Variants in SLC5A10 observed in about 807,000 individuals in gnomAD.
The protein encoded by SLC5A10 is sodium/mannose cotransporter SLC5A10.
Under a neutral mutation model 68.9 loss-of-function variants are expected in SLC5A10, and 55 were observed. That is an observed-to-expected ratio of 0.80 (90% confidence interval 0.64 to 1.00). SLC5A10 has a LOEUF of 1.00. Among genes scored for constraint, SLC5A10 ranks in the 50% least tolerant of loss-of-function variants. The pLI is 0.00. For synonymous variants in SLC5A10, 344 were observed against 344.8 expected, an observed-to-expected ratio of 1.00 and a Z score of 0.02; for missense variants, 732 against 819.3, an observed-to-expected ratio of 0.89 and a Z score of 1.30.
At position 19,019,908 on chromosome 17, in the gene SLC5A10, C is replaced by T. The variant is rs1283780947; in HGVS notation, c.1606C>T (p.Pro536Ser). ...AVVVAGSLLT[P>S]PPQSVQIENL... ...TGTGGTGGCTGGAAGCCTGCTGACC[C>T]CACCCCCACAGAGTGTCCAGGTGAG... Residue 536 changes from proline to serine, a missense_variant, in exon 13 of 15, where the codon CCA becomes TCA. Physicochemically the swap from Pro to Ser is moderately conservative, Grantham distance 74. Coordinates refer to ENST00000395645, the MANE Select transcript of SLC5A10 (RefSeq NM_001042450.4). 6.2e-7 allele frequency: 1 copy of T among 1,608,628 alleles called. No individual in the cohort carries two copies. Among genetic ancestry groups the T allele is most frequent in the African/African-American group, 1.3e-5 (1 of 74,942 alleles).
chr17:18,951,779 C>G (rs1167246611), upstream of SLC5A10: 1 of 165,464 alleles, frequency 6.0e-6, no homozygotes, highest in Non-Finnish European at 1.3e-5. Context: ...CCCGCCACGG[C>G]AGTATCTTCA....
chr17:18,977,607 G>T, intron 9 of SLC5A10: 1 of 1,608,956 alleles, frequency 6.2e-7, no homozygotes. Context: ...TCTGTGGAGC[G>T]CTGGGCCTGC....
rs2043799975 is a variant in SLC5A10, at chr17:19,003,774, G to A, written c.983-9636G>A. The A allele has an allele frequency of 6.2e-7, 1 of 1,610,076 alleles. No individual in the cohort carries two copies. The highest frequency in any genetic ancestry group is 1.7e-4 in the Middle Eastern group (1 of 5,830). On this transcript the variant is annotated intron_variant, in intron 9 of 14. Coordinates refer to ENST00000395645, the MANE Select transcript of SLC5A10 (RefSeq NM_001042450.4). This position sits in a 1 kb window ranked among gnomAD's most constrained non-coding sequence, Gnocchi z 4.5. Reference sequence around the variant, plus strand: ...CCGTCGCCGACCCCATTGTCCTCGGGCCCCTGAGAGGGGCCCGTGCCCCGA... The same window carrying A: ...CCGTCGCCGACCCCATTGTCCTCGGACCCCTGAGAGGGGCCCGTGCCCCGA...
chr17:18,985,311 A>AG (rs1416750034), intron 9 of SLC5A10, among the ~76,000 whole-genome samples: 13 of 152,222 alleles, frequency 8.5e-5, no homozygotes, highest in Non-Finnish European at 2.9e-5. Context: ...AGAAGGATTC[A>AG]GTGACTCTGC....
intron 4 of SLC5A10, 70 bp downstream of exon 4, chr17:18,959,733 G>A (rs1231348462): frequency 1.4e-6 from 2 of 1,403,192 alleles, no homozygotes; most frequent in Non-Finnish European, 2.0e-6. Context: ...GTAATGGGCA[G>A]GACCACCGTG....
chr17:19,007,623 C>T (rs1029979554), intron 9 of SLC5A10, among the ~76,000 whole-genome samples: 1 of 152,116 alleles, frequency 6.6e-6, no homozygotes, highest in African/African-American at 2.4e-5. Context: ...CAGGCTTATA[C>T]TGTTGAATTT....
At position 18,960,600 on chromosome 17, in the gene SLC5A10, G is replaced by A. The variant is rs547915569; in HGVS notation, c.401G>A (p.Arg134His). The change falls in exon 5 of 15, where the codon CGC (arginine) becomes CAC (histidine). Residue 134 changes from arginine (R) to histidine (H), a missense_variant. Arg to His is a conservative substitution (Grantham distance 29). Coordinates refer to ENST00000395645, the MANE Select transcript of SLC5A10 (RefSeq NM_001042450.4). ...IQKRYGGQRI[R>H]MYLSVLSLLL... is the part of the protein sequence containing the mutation. ...AAGCGCTACGGGGGCCAGCGGATCC[G>A]CATGTACCTGTCTGTCCTGTCCCTG... 2.4e-5 allele frequency: 38 copies of A among 1,614,138 alleles called. No homozygotes were observed. Among genetic ancestry groups the A allele is most frequent in the Admixed American group, 8.3e-5 (5 of 60,018 alleles).
intron 1 of SLC5A10, among the ~76,000 whole-genome samples, chr17:18,954,618 G>T (rs2042450888): frequency 6.6e-6 from 1 of 152,228 alleles, no homozygotes; most frequent in African/African-American, 2.4e-5. Context: ...GCCCTGCAAA[G>T]ATGTTTAGAT....
At position 18,976,873 on chromosome 17, in the gene SLC5A10, T is replaced by C. The variant is rs2042993222; in HGVS notation, c.866T>C (p.Leu289Pro). ...CTDQVIVQRS[L>P]SARDLNHAKA... is the part of the protein sequence containing the mutation. ...CCCCAGGTCATCGTGCAGCGATCAC[T>C]GTCAGCCCGGGACCTGAACCATGCC... is the stretch of plus-strand genomic sequence containing the variant. The change falls in exon 9 of 15, where the codon CTG (leucine) becomes CCG (proline). Residue 289 changes from leucine (L) to proline (P), a missense_variant. Transcript: ENST00000395645. 6.2e-7 allele frequency: 1 copy of C among 1,613,432 alleles called. No individual in the cohort carries two copies. Among genetic ancestry groups the C allele is most frequent in the Non-Finnish European group, 8.5e-7 (1 of 1,180,000 alleles).
At position 19,017,973 on chromosome 17, in the gene SLC5A10, G is replaced by C. The variant is rs547039579; in HGVS notation, c.1242-1450G>C. 6.5e-6 allele frequency: 1 copy of C among 153,990 alleles called. No individual in the cohort carries two copies. Among genetic ancestry groups the C allele is most frequent in the South Asian group, 2.0e-4 (1 of 4,960 alleles). 9.5% of individuals were successfully genotyped at this position (153,990 alleles called of 1,614,324 possible). ...CCCTGGCACAGAGATGCAGAGTCTGGTGTTGGGCGGGAGAGCTGTGTGCAG... is the reference window on the plus strand; with the variant it reads ...CCCTGGCACAGAGATGCAGAGTCTGCTGTTGGGCGGGAGAGCTGTGTGCAG... On this transcript the variant is annotated intron_variant, in intron 11 of 14. Coordinates refer to ENST00000395645, the MANE Select transcript of SLC5A10 (RefSeq NM_001042450.4). This position sits in a 1 kb window ranked among gnomAD's most constrained non-coding sequence, Gnocchi z 5.6.
intron 1 of SLC5A10, 25 bp downstream of exon 1, chr17:18,952,341 G>T (rs2042384567): frequency 3.8e-6 from 6 of 1,598,408 alleles, no homozygotes; most frequent in Non-Finnish European, 2.6e-6. Context: ...GGTGGTGTTG[G>T]CCAAGTGGGC....
At chr17:18,977,742 T>C in intron 9 of SLC5A10, 1 of 1,605,526 alleles carries the variant, frequency 6.2e-7, no homozygotes, top group Non-Finnish European at 8.5e-7. Flanking sequence ...GGTGGTGGGG[T>C]TGGCCCGTTG....
chr17:19,017,388 A>G lies in SLC5A10; in HGVS notation c.1242-2035A>G, dbSNP rs2044163603. The G allele has an allele frequency of 6.4e-7, 1 of 1,551,456 alleles. No homozygotes were observed. The highest frequency in any genetic ancestry group is 8.7e-7 in the Non-Finnish European group (1 of 1,146,882). On this transcript the variant is annotated intron_variant, in intron 11 of 14. Coordinates refer to ENST00000395645, the MANE Select transcript of SLC5A10 (RefSeq NM_001042450.4). This position sits in a 1 kb window ranked among gnomAD's most constrained non-coding sequence, Gnocchi z 5.6. ...TATCTCCTAGGCCTCGTGGTCATGG[A>G]TCTCTGGTAGGGTGAATGGCCTGAC...
At position 19,022,172 on chromosome 17, in the gene SLC5A10, G is replaced by A; in HGVS notation, c.*1741G>A. On this transcript the variant is annotated 3_prime_UTR_variant, in exon 15 of 15. Transcript: ENST00000395645. ...GCAAGAAGAGGAGGTGGTTAGTAGG[G>A]TGCCTTCAGAAGCCCTGCAACCCAC... The A allele has an allele frequency of 7.4e-7, 1 of 1,346,552 alleles. No individual in the cohort carries two copies. Among genetic ancestry groups the A allele is most frequent in the Non-Finnish European group, 9.8e-7 (1 of 1,017,926 alleles). 83.4% of individuals were successfully genotyped at this position (1,346,552 alleles called of 1,614,324 possible).
Position 19,017,356 on chromosome 17 carries a change from G to A in SLC5A10, c.1242-2067G>A, listed in dbSNP as rs1176176765. The A allele has an allele frequency of 6.4e-7, 1 of 1,551,918 alleles. No individual in the cohort carries two copies. ...TCCTCCTGCCCGAAACACCACCATT[G>A]GAGCGGTATCTCCTAGGCCTCGTGG... is the stretch of plus-strand genomic sequence containing the variant. On this transcript the variant is annotated intron_variant, in intron 11 of 14. Coordinates refer to ENST00000395645, the MANE Select transcript of SLC5A10 (RefSeq NM_001042450.4). The surrounding 1 kb of genome is among the most constrained non-coding windows in gnomAD (Gnocchi z 5.6).
Position 19,020,558 on chromosome 17 carries a change from G to C in SLC5A10, c.*127G>C. The C allele has an allele frequency of 1.2e-6, 1 of 845,990 alleles. No individual in the cohort carries two copies. 52.4% of individuals were successfully genotyped at this position (845,990 alleles called of 1,614,324 possible). On this transcript the variant is annotated 3_prime_UTR_variant, in exon 15 of 15. Transcript: ENST00000395645. The stretch of plus-strand genomic sequence containing the variant: ...AGCTGCACAGCAGCTCGGTGCCCAA[G>C]AACTGGCCAAGCCAGCAAAGCGGGA...
intron 9 of SLC5A10, among the ~76,000 whole-genome samples, chr17:18,995,743 A>C (rs528418036): frequency 6.6e-6 from 1 of 152,156 alleles, no homozygotes; most frequent in Non-Finnish European, 1.5e-5. Flanking sequence ...CCCTGTCTCT[A>C]CTAAAAATAC....
rs202027939 is a variant in SLC5A10 at position 18,971,007 on chromosome 17, C to T, written c.641-6C>T. 155 of 1,613,876 alleles carry T rather than the reference C, an allele frequency of 9.6e-5. No individual in the cohort carries two copies. In the African/African-American group the frequency reaches 2.0e-3, roughly 21 times the overall value. ...AACTGTCCCTGTTCCACCCTGACCC[C>T]TCCAGCTTTTGACCAGATCGGTGGT... On this transcript the variant is annotated splice_region_variant and splice_polypyrimidine_tract_variant and intron_variant, in intron 7 of 14. Coordinates refer to ENST00000395645, the MANE Select transcript of SLC5A10 (RefSeq NM_001042450.4). The surrounding 1 kb of genome is among the most constrained non-coding windows in gnomAD (Gnocchi z 5.5).
In SLC5A10 at chr17:18,958,713, A is replaced by G. The variant is rs149943523; in HGVS notation, c.143A>G (p.Asn48Ser). The change falls in exon 2 of 15, where the codon AAT becomes AGT. Residue 48 changes from asparagine (N) to serine (S), a missense_variant. Coordinates refer to ENST00000395645, the MANE Select transcript of SLC5A10 (RefSeq NM_001042450.4). ...TGTCGGGCCAGTAGGAACACGGTGA[A>G]TGGCTACTTCCTGGCAGGCCGGGAC... Reference protein sequence around the residue: ...SSCRASRNTVNGYFLAGRDMT... With the variant: ...SSCRASRNTVSGYFLAGRDMT... The G allele has an allele frequency of 6.2e-7, 1 of 1,614,136 alleles. No homozygotes were observed. Among genetic ancestry groups the G allele is most frequent in the African/African-American group, 1.3e-5 (1 of 75,012 alleles).
Sources: allele counts gnomAD v4.1 joint callset (sites outside exome capture counted in the v4.1 genomes callset), GRCh38; gene constraint gnomAD v4.1.1; non-coding constraint Gnocchi (gnomAD v3.1); transcripts MANE v1.5; gene names NCBI Gene and HGNC (gene_info 2026-07-23, HGNC 2026-07-21).